The following TENM1 variants were observed in gnomAD, a reference collection of about 807,000 sequenced individuals.
The protein encoded by TENM1 is teneurin-1.
A neutral mutation model predicts 174.8 loss-of-function variants in TENM1; 35 were observed. That is an observed-to-expected ratio of 0.20 (90% CI 0.15 to 0.27). The LOEUF is 0.27. TENM1 is among the 10% of genes least tolerant of loss of function. TENM1 has a pLI of 1.00. For missense variants in TENM1, 1,633 were observed against 2,130.1 expected, an observed-to-expected ratio of 0.77 and a Z score of 4.59; for synonymous variants, 781 against 798.7, an observed-to-expected ratio of 0.98 and a Z score of 0.37.
At chrX:125,049,258 A>G in the TENM1 span, among the ~76,000 whole-genome samples, 3 of 111,694 alleles carry the variant, frequency 2.7e-5, no homozygotes, top group African/African-American at 9.7e-5. Context: ...CCTCTCCCCA[A>G]CAGTGGCAAC....
chrX:124,956,746 T>A (rs1429611510), intron 1 of TENM1, among the ~76,000 whole-genome samples: 1 of 112,263 alleles, frequency 8.9e-6, no homozygotes, highest in African/African-American at 3.2e-5. Flanking sequence ...CAGCAGACAA[T>A]TCATTAAATG....
chrX:125,123,415 T>C, the TENM1 span, among the ~76,000 whole-genome samples: 1 of 80,133 alleles, frequency 1.2e-5, no homozygotes, highest in Non-Finnish European at 2.3e-5. Context: ...CAAAACTCCA[T>C]CTCTACAAAA....
At chrX:124,862,115 G>A (rs1357293612) in intron 3 of TENM1, among the ~76,000 whole-genome samples, 1 of 111,889 alleles carries the variant, frequency 8.9e-6, no homozygotes, top group Non-Finnish European at 1.9e-5. Context: ...TGACTTCATC[G>A]AGCTGATTGA....
At chrX:124,392,255 G>A in exon 28 of TENM1, 25 of 1,210,422 alleles carry the variant, frequency 2.1e-5, no homozygotes, top group Non-Finnish European at 2.8e-5. Flanking sequence ...TGGTCATAAA[G>A]AATTCGAAGG....
the TENM1 span, among the ~76,000 whole-genome samples, chrX:125,119,138 G>A: frequency 8.9e-6 from 1 of 112,033 alleles, no homozygotes; most frequent in Non-Finnish European, 1.9e-5. Flanking sequence ...TTCAAAAACT[G>A]TTGTTGAAAT....
intron 12 of TENM1, among the ~76,000 whole-genome samples, 170 bp from the exon 16 acceptor site, chrX:124,563,942 A>G (rs1272791183): frequency 8.9e-6 from 1 of 111,969 alleles, no homozygotes; most frequent in African/African-American, 3.2e-5. Context: ...GTTTGTGAAT[A>G]ATATTTTCTG....
chrX:124,576,532 C>T (rs1395468459), intron 11 of TENM1, among the ~76,000 whole-genome samples: 2 of 111,917 alleles, frequency 1.8e-5, no homozygotes, highest in Non-Finnish European at 3.8e-5. Context: ...AGCTTAACTG[C>T]CTCACAGAGG....
intron 3 of TENM1, among the ~76,000 whole-genome samples, chrX:124,787,468 T>A (rs1369734012): frequency 1.8e-5 from 2 of 111,287 alleles, no homozygotes; most frequent in Non-Finnish European, 3.8e-5. Flanking sequence ...TTTCAGGCCC[T>A]GCCTTTAGCA....
the TENM1 span, among the ~76,000 whole-genome samples, chrX:124,982,439 A>G: frequency 9.0e-6 from 1 of 111,258 alleles, no homozygotes; most frequent in East Asian, 2.8e-4. Flanking sequence ...AAAAGATCTA[A>G]TCTTCGCAAG....
At chrX:124,569,260 C>A (rs916880401) in intron 11 of TENM1, among the ~76,000 whole-genome samples, 1 of 110,866 alleles carries the variant, frequency 9.0e-6, no homozygotes, top group African/African-American at 3.3e-5. Flanking sequence ...ATAAATGAAG[C>A]AAAATTGAAA....
the TENM1 span, among the ~76,000 whole-genome samples, chrX:125,085,544 T>C: frequency 9.0e-6 from 1 of 111,342 alleles, no homozygotes; most frequent in Non-Finnish European, 1.9e-5. Context: ...AGAGTGCCTG[T>C]CTCACAACAC....
the TENM1 span, among the ~76,000 whole-genome samples, chrX:125,179,008 G>A: frequency 9.1e-6 from 1 of 110,202 alleles, no homozygotes; most frequent in African/African-American, 3.3e-5. Flanking sequence ...GACTACTCCA[G>A]TTTTGCACAA....
rs141789226 is a variant in TENM1 at position 124,856,335 on chromosome X, T to G, written c.535+37961A>C. ...TACAGAGGGAAAGGTCCATTTAAGT[T>G]ATATACATTAGATTAAAAGACCTTA... On this transcript the variant is annotated intron_variant, in intron 3 of 31. Transcript: ENST00000422452. Among the ~76,000 whole-genome samples, 221 of 111,117 alleles carry G rather than the reference T, an allele frequency of 2.0e-3. 7 individuals are homozygous for G. The East Asian group carries it at 0.056, about 28-fold the overall frequency.
intron 3 of TENM1, among the ~76,000 whole-genome samples, chrX:124,860,037 AAGAG>A (rs746551757): frequency 5.3e-4 from 60 of 112,170 alleles, no homozygotes; most frequent in African/African-American, 1.9e-3. Flanking sequence ...TTAACTGAAT[AAGAG>A]AGAGAGTCCA....
intron 1 of TENM1, among the ~76,000 whole-genome samples, chrX:124,952,360 G>C (rs897940061): frequency 1.8e-5 from 2 of 110,049 alleles, no homozygotes; most frequent in Admixed American, 1.9e-4. Context: ...GTGTGTGTGT[G>C]TGTGTGTGTA....
At chrX:124,804,455 C>T (rs1283490379) in intron 3 of TENM1, among the ~76,000 whole-genome samples, 1 of 111,324 alleles carries the variant, frequency 9.0e-6, no homozygotes, top group Non-Finnish European at 1.9e-5. Context: ...TGAAGTCATT[C>T]AAAATCTATA....
chrX:124,936,739 A>G (rs992681276), intron 1 of TENM1, among the ~76,000 whole-genome samples: 2 of 112,044 alleles, frequency 1.8e-5, no homozygotes, highest in African/African-American at 3.2e-5. Flanking sequence ...GTGCCTATTC[A>G]CAATTCTTAA....
the TENM1 span, among the ~76,000 whole-genome samples, chrX:125,119,991 C>CT: frequency 1.8e-5 from 2 of 111,268 alleles, no homozygotes; most frequent in African/African-American, 6.5e-5. Context: ...TATGACAACA[C>CT]TCTTCCTCTC....
At chrX:125,087,845 A>G in the TENM1 span, among the ~76,000 whole-genome samples, 1 of 111,451 alleles carries the variant, frequency 9.0e-6, no homozygotes, top group Non-Finnish European at 1.9e-5. Flanking sequence ...TAAATGATTG[A>G]ATAAATAAAT....
Sources: gnomAD v4.1 joint callset for allele counts (sites outside exome capture counted in the v4.1 genomes callset) on GRCh38, gnomAD v4.1.1 for gene constraint, MANE v1.5 for transcripts, NCBI Gene and HGNC (gene_info 2026-07-23, HGNC 2026-07-21) for gene names.